Variants in PUDP observed in about 807,000 individuals in gnomAD.
PUDP encodes pseudouridine 5'-phosphatase.
A neutral mutation model predicts 9.4 loss-of-function variants in PUDP; 8 were observed. That is an observed-to-expected ratio of 0.85 (90% confidence interval 0.50 to 1.53). PUDP has a LOEUF of 1.53. PUDP is among the 40% of genes most tolerant of loss of function. The pLI, the probability that PUDP is intolerant of heterozygous loss-of-function variation, is 0.00. For synonymous variants in PUDP, 99 were observed against 80.7 expected, an observed-to-expected ratio of 1.23 and a Z score of -1.22; for missense variants, 188 against 189.7, an observed-to-expected ratio of 0.99 and a Z score of 0.05.
chrX:6,784,379 C>T (rs1158564844), intron 3 of PUDP, among the ~76,000 whole-genome samples: 1 of 111,532 alleles, frequency 9.0e-6, no homozygotes, highest in Non-Finnish European at 1.9e-5. Flanking sequence ...TTATGGGACA[C>T]ATATTCATTC....
chrX:6,838,805 A>T (rs896274823), intron 3 of PUDP, among the ~76,000 whole-genome samples: 1 of 111,874 alleles, frequency 8.9e-6, no homozygotes, highest in African/African-American at 3.2e-5. Flanking sequence ...CAAAACTTCT[A>T]CCTTCTCTGG....
chrX:7,011,860 G>T (rs1422550535), intron 1 of PUDP, among the ~76,000 whole-genome samples: 1 of 112,337 alleles, frequency 8.9e-6, no homozygotes, highest in African/African-American at 3.2e-5. Flanking sequence ...AACATCCATA[G>T]AAAAGACTTG....
intron 1 of PUDP, among the ~76,000 whole-genome samples, chrX:6,996,623 T>C (rs926863210): frequency 9.3e-6 from 1 of 106,954 alleles, no homozygotes; most frequent in East Asian, 2.9e-4. Context: ...TATATATATA[T>C]GTGTGTGTAT....
chrX:6,954,428 A>G (rs960899240), intron 3 of PUDP, among the ~76,000 whole-genome samples: 2 of 110,528 alleles, frequency 1.8e-5, no homozygotes, highest in African/African-American at 6.6e-5. Flanking sequence ...CATGCACTGC[A>G]TCCTTCTCAC....
intron 3 of PUDP, among the ~76,000 whole-genome samples, chrX:6,750,251 C>T (rs1034421921): frequency 8.0e-5 from 9 of 111,938 alleles, no homozygotes; most frequent in African/African-American, 2.3e-4. Context: ...AGATTGAAAT[C>T]GTTTCAGCAA....
At chrX:7,017,198 A>G (rs866941594) in intron 1 of PUDP, among the ~76,000 whole-genome samples, 24 of 112,113 alleles carry the variant, frequency 2.1e-4, no homozygotes, top group Middle Eastern at 9.2e-3. Flanking sequence ...AGTAGCCAGG[A>G]GAGCATTTTT....
rs749983285 is a variant in PUDP, at chrX:7,119,289, G to A, written c.62-13451C>T. Among the ~76,000 whole-genome samples, 16 of 112,498 alleles carry A rather than the reference G, an allele frequency of 1.4e-4. No individual in the cohort carries two copies. The South Asian group carries it at 4.8e-3, about 34-fold the overall frequency. On this transcript the variant is annotated intron_variant, in intron 1 of 3. Transcript: ENST00000381077. ...TTGTTAACACGCTGTGAGCACTACC[G>A]CGCTTTTCCCTACAACCACTAACGT...
chrX:6,799,293 T>A (rs761318634), intron 3 of PUDP, among the ~76,000 whole-genome samples: 3 of 112,286 alleles, frequency 2.7e-5, no homozygotes, highest in Non-Finnish European at 5.6e-5. Flanking sequence ...TATGTAGCTG[T>A]TAGCTGGAAG....
At chrX:6,926,951 T>C (rs1332873062) in intron 3 of PUDP, among the ~76,000 whole-genome samples, 3 of 88,887 alleles carry the variant, frequency 3.4e-5, no homozygotes, top group African/African-American at 1.3e-4. Context: ...TTTTTGAGAC[T>C]GTGTCTCACT....
At chrX:6,845,562 T>C (rs1457612995) in intron 3 of PUDP, among the ~76,000 whole-genome samples, 3 of 112,147 alleles carry the variant, frequency 2.7e-5, no homozygotes, top group African/African-American at 9.7e-5. Flanking sequence ...CCCAGTCTCT[T>C]AGTACCTGGT....
chrX:6,810,799 T>C (rs1243819989), intron 3 of PUDP, among the ~76,000 whole-genome samples: 1 of 111,473 alleles, frequency 9.0e-6, no homozygotes, highest in Non-Finnish European at 1.9e-5. Context: ...GCTCAAGAAT[T>C]AGATATTGAG....
intron 3 of PUDP, among the ~76,000 whole-genome samples, chrX:6,936,527 C>T: frequency 4.2e-5 from 1 of 23,661 alleles, no homozygotes; most frequent in South Asian, 2.6e-3. Flanking sequence ...CAGCCAATAT[C>T]ATACTGAATG....
intron 3 of PUDP, among the ~76,000 whole-genome samples, chrX:6,739,241 C>T (rs1012765963): frequency 3.6e-5 from 4 of 111,364 alleles, no homozygotes; most frequent in African/African-American, 9.8e-5. Context: ...TTGCTGAAAT[C>T]GTGCACATGG....
At chrX:6,855,533 C>T in intron 3 of PUDP, among the ~76,000 whole-genome samples, 1 of 111,799 alleles carries the variant, frequency 8.9e-6, no homozygotes, top group Admixed American at 9.5e-5. Context: ...AGCCCCCAAT[C>T]CCCATTAGAT....
chrX:6,856,714 C>T (rs6638626), intron 3 of PUDP, among the ~76,000 whole-genome samples: 47,659 of 110,666 alleles, frequency 0.43, 8,642 homozygotes, highest in Non-Finnish European at 0.57. Flanking sequence ...GTCAACTTGA[C>T]GGGCCCACAG....
intron 1 of PUDP, among the ~76,000 whole-genome samples, chrX:6,712,425 C>T (rs1018157014): frequency 4.5e-5 from 5 of 112,128 alleles, no homozygotes; most frequent in African/African-American, 1.6e-4. Context: ...GCTGGGATTG[C>T]AGGCATGAGC....
intron 1 of PUDP, among the ~76,000 whole-genome samples, chrX:7,138,357 G>A (rs999491534): frequency 1.8e-5 from 2 of 109,556 alleles, no homozygotes; most frequent in East Asian, 5.7e-4. Flanking sequence ...ATCTTAGCCT[G>A]ACAGAGATTA....
intron 3 of PUDP, among the ~76,000 whole-genome samples, chrX:7,058,840 C>G (rs971694001): frequency 1.3e-4 from 15 of 111,542 alleles, no homozygotes; most frequent in African/African-American, 4.2e-4. Flanking sequence ...TCCATCCCTC[C>G]CTTCCTCCTG....
intron 1 of PUDP, among the ~76,000 whole-genome samples, chrX:7,028,293 G>A (rs1929746545): frequency 9.0e-6 from 1 of 110,642 alleles, no homozygotes; most frequent in Admixed American, 9.7e-5. Context: ...ACTGAGTACA[G>A]ATATCTCAAT....
Sources: allele counts gnomAD v4.1 joint callset (sites outside exome capture counted in the v4.1 genomes callset), GRCh38; gene constraint gnomAD v4.1.1; transcripts MANE v1.5; gene names NCBI Gene and HGNC (gene_info 2026-07-23, HGNC 2026-07-21).